FOXO3: variants seen among roughly 807,000 people sequenced by gnomAD.
FOXO3 encodes the protein forkhead box O3.
In FOXO3, 4 loss-of-function variants were observed where a neutral mutation model predicts 41.9. The observed-to-expected ratio is 0.10, with a 90% CI of 0.05 to 0.22. The LOEUF is 0.22. Ranked by LOEUF, FOXO3 falls within the 10% of genes least tolerant of loss-of-function variation. The pLI, the probability that FOXO3 is intolerant of heterozygous loss-of-function variation, is 1.00. For synonymous variants in FOXO3, 318 were observed against 389.3 expected (o/e 0.82, Z 2.16); for missense variants, 534 against 906.8 (o/e 0.59, Z 5.28).
intron 1 of FOXO3, among the ~76,000 whole-genome samples, chr6:108,653,389 T>G (rs1191064925): frequency 6.6e-6 from 1 of 152,210 alleles, no homozygotes; most frequent in East Asian, 1.9e-4. Flanking sequence ...ATTTTATCTT[T>G]GCTATTAGTG....
At chr6:108,659,697 A>G (rs1182263302) in intron 1 of FOXO3, among the ~76,000 whole-genome samples, 1 of 151,808 alleles carries the variant, frequency 6.6e-6, no homozygotes, top group Non-Finnish European at 1.5e-5. Context: ...GTCCTTTCCC[A>G]CCCGAACACC....
chr6:108,658,927 C>T (rs1462724499), intron 1 of FOXO3, among the ~76,000 whole-genome samples: 1 of 151,552 alleles, frequency 6.6e-6, no homozygotes, highest in Non-Finnish European at 1.5e-5. Context: ...CTCTGTCGCC[C>T]AGGCTGGAGT....
At position 108,683,148 on chromosome 6, in the gene FOXO3, T is replaced by C. The variant is rs1352273781; in HGVS notation, c.*3356T>C. 1 of 152,670 alleles carries C rather than the reference T, an allele frequency of 6.6e-6. No individual in the cohort carries two copies. Among genetic ancestry groups the C allele is most frequent in the Non-Finnish European group, 1.5e-5 (1 of 68,044 alleles). The allele number at this position is 152,670 out of a possible 1,614,324, so 9.5% of individuals were successfully genotyped here. On this transcript the variant is annotated 3_prime_UTR_variant, in exon 3 of 3. Coordinates refer to ENST00000406360, the MANE Select transcript of FOXO3 (RefSeq NM_001455.4). ...TTCAGAAGCTTGTCACTCCTGTTAA[T>C]GGGAGGATCAGTCACACATGTGTAG...
In FOXO3 at chr6:108,613,966, G is replaced by A. The variant is rs150782234; in HGVS notation, c.622-49489G>A. Among the ~76,000 whole-genome samples, 48 of 152,132 alleles carry A rather than the reference G, an allele frequency of 3.2e-4. No homozygotes were observed. The East Asian group carries it at 9.3e-3, about 29-fold the overall frequency. On this transcript the variant is annotated intron_variant, in intron 1 of 2. Transcript: ENST00000406360. ...TTCTATTTTACCTGTAATTACTTTG[G>A]TCTGCAGTTTGTTTAGAAGTTAATT...
chr6:108,618,561 A>G (rs1300994582), intron 1 of FOXO3, among the ~76,000 whole-genome samples: 2 of 152,278 alleles, frequency 1.3e-5, no homozygotes, highest in East Asian at 3.8e-4. Context: ...AGCACCCATT[A>G]GGAATGATGT....
Position 108,642,089 on chromosome 6 carries a change from G to GTTT in FOXO3, c.622-21351_622-21349dup, listed in dbSNP as rs5878987. On this transcript the variant is annotated intron_variant, in intron 1 of 2. Transcript: ENST00000406360. ...GTCATTGAAGTTTTTTGCTTTTGGT[G>GTTT]TTTTTTTTTTTTTTTTTGAGACAGG... 8.8e-3 allele frequency among the ~76,000 whole-genome samples: 1,192 copies of GTTT among 134,962 alleles called. 24 individuals are homozygous for GTTT. Among genetic ancestry groups the GTTT allele is most frequent in the Non-Finnish European group, 0.013 (840 of 64,004 alleles). The allele number at this position is 134,962 out of a possible 152,430, so 88.5% of individuals were successfully genotyped here.
chr6:108,574,768 G>A (rs1776215588), intron 1 of FOXO3, among the ~76,000 whole-genome samples: 1 of 152,140 alleles, frequency 6.6e-6, no homozygotes, highest in Non-Finnish European at 1.5e-5. Flanking sequence ...GCCACAGGAA[G>A]GCAGTGCCGT....
intron 1 of FOXO3, among the ~76,000 whole-genome samples, chr6:108,619,637 A>G (rs988841425): frequency 6.6e-6 from 1 of 152,234 alleles, no homozygotes; most frequent in Admixed American, 6.5e-5. Flanking sequence ...AGAATAACAA[A>G]ACTTTCATAG....
At chr6:108,566,559 A>G (rs959380303) in intron 1 of FOXO3, among the ~76,000 whole-genome samples, 4 of 152,178 alleles carry the variant, frequency 2.6e-5, no homozygotes, top group Non-Finnish European at 4.4e-5. Flanking sequence ...GGCACATAGC[A>G]AAACCCCATC....
intron 1 of FOXO3, among the ~76,000 whole-genome samples, chr6:108,565,104 T>C (rs1337747444): frequency 6.6e-6 from 1 of 152,224 alleles, no homozygotes; most frequent in Admixed American, 6.5e-5. Flanking sequence ...TCTTGCTTAT[T>C]ATTTCAGCAT....
chr6:108,620,879 A>G (rs779961662), intron 1 of FOXO3, among the ~76,000 whole-genome samples: 1 of 152,180 alleles, frequency 6.6e-6, no homozygotes, highest in Admixed American at 6.5e-5. Context: ...CTGACATTCA[A>G]TACTCTCTTT....
chr6:108,642,543 A>G (rs557492550), intron 1 of FOXO3, among the ~76,000 whole-genome samples: 4 of 152,322 alleles, frequency 2.6e-5, no homozygotes, highest in Non-Finnish European at 5.9e-5. Flanking sequence ...CAAAATCTAC[A>G]AAGGTTGTAG....
At chr6:108,662,248 C>A (rs532584212) in intron 1 of FOXO3, among the ~76,000 whole-genome samples, 62 of 152,214 alleles carry the variant, frequency 4.1e-4, no homozygotes, top group African/African-American at 1.5e-3. Context: ...GAAGGCAGAC[C>A]ACAGAAGGTG....
At chr6:108,608,571 T>C (rs1323257491) in intron 1 of FOXO3, among the ~76,000 whole-genome samples, 1 of 152,166 alleles carries the variant, frequency 6.6e-6, no homozygotes, top group Non-Finnish European at 1.5e-5. Flanking sequence ...AAAAATACTC[T>C]GGCAGAAACC....
chr6:108,581,619 T>C (rs1776422280), intron 1 of FOXO3, among the ~76,000 whole-genome samples: 1 of 152,122 alleles, frequency 6.6e-6, no homozygotes, highest in South Asian at 2.1e-4. Context: ...CTTTCTATAC[T>C]GGAAGGAAAA....
At chr6:108,647,668 T>A (rs926556227) in intron 1 of FOXO3, among the ~76,000 whole-genome samples, 1 of 152,146 alleles carries the variant, frequency 6.6e-6, no homozygotes, top group Non-Finnish European at 1.5e-5. Flanking sequence ...TAGATGTCCG[T>A]GAACACCATA....
intron 1 of FOXO3, among the ~76,000 whole-genome samples, chr6:108,612,896 T>A (rs1237875352): frequency 6.6e-6 from 1 of 152,216 alleles, no homozygotes; most frequent in Non-Finnish European, 1.5e-5. Context: ...GTTTGTCACA[T>A]ATTTCCTTTA....
intron 1 of FOXO3, among the ~76,000 whole-genome samples, chr6:108,618,837 C>T (rs953275216): frequency 4.6e-5 from 7 of 152,226 alleles, no homozygotes; most frequent in African/African-American, 1.7e-4. Context: ...GGTGTTCTGC[C>T]CTTCCAATTC....
At chr6:108,622,213 C>G (rs972273940) in intron 1 of FOXO3, among the ~76,000 whole-genome samples, 1 of 135,288 alleles carries the variant, frequency 7.4e-6, no homozygotes, top group Non-Finnish European at 1.5e-5. Context: ...GAGCCCAAAT[C>G]ATGCCACTGC....
Sources: allele counts gnomAD v4.1 joint callset (sites outside exome capture counted in the v4.1 genomes callset), GRCh38; gene constraint gnomAD v4.1.1; transcripts MANE v1.5; gene names NCBI Gene and HGNC (gene_info 2026-07-23, HGNC 2026-07-21).